Variants in CSGALNACT1 observed in about 807,000 individuals in gnomAD.
The protein encoded by CSGALNACT1 is beta4GalNAcT-1.
In CSGALNACT1, 52 loss-of-function variants were observed where a neutral mutation model predicts 51.0. That is an observed-to-expected ratio of 1.02 (90% CI 0.82 to 1.29). The LOEUF is 1.29. CSGALNACT1 is among the 50% of genes most tolerant of loss of function. The pLI, the probability that CSGALNACT1 is intolerant of heterozygous loss-of-function variation, is 0.00. For synonymous variants in CSGALNACT1, 341 were observed against 254.4 expected (o/e 1.34, Z -3.24); for missense variants, 935 against 679.2 (o/e 1.38, Z -4.19).
At chr8:19,514,008 T>G (rs528390602) in intron 3 of CSGALNACT1, among the ~76,000 whole-genome samples, 77 of 152,132 alleles carry the variant, frequency 5.1e-4, no homozygotes, top group Non-Finnish European at 9.7e-4. Flanking sequence ...GAGCAGGGTT[T>G]TCAGGTGTCA....
At chr8:19,472,999 C>T (rs2068564540) in intron 4 of CSGALNACT1, among the ~76,000 whole-genome samples, 1 of 152,166 alleles carries the variant, frequency 6.6e-6, no homozygotes, top group Non-Finnish European at 1.5e-5. Context: ...TGTCATTCTA[C>T]TTTGTTCCAT....
intron 6 of CSGALNACT1, among the ~76,000 whole-genome samples, chr8:19,421,402 A>T (rs1479551568): frequency 1.3e-5 from 2 of 152,236 alleles, no homozygotes; most frequent in African/African-American, 4.8e-5. Flanking sequence ...CGTTCCACGA[A>T]TTCATTCCAT....
chr8:19,470,571 G>T (rs1331326181), intron 4 of CSGALNACT1, among the ~76,000 whole-genome samples: 1 of 152,198 alleles, frequency 6.6e-6, no homozygotes, highest in African/African-American at 2.4e-5. Context: ...CAGGCACTGG[G>T]AAGCGAGTGG....
upstream of CSGALNACT1, among the ~76,000 whole-genome samples, chr8:19,605,770 A>G (rs2051288740): frequency 6.6e-6 from 1 of 152,236 alleles, no homozygotes; most frequent in Admixed American, 6.5e-5. Flanking sequence ...GCAGACATCA[A>G]TTAGCAGTCC....
chr8:19,482,940 G>A (rs1331972078), intron 4 of CSGALNACT1, among the ~76,000 whole-genome samples: 1 of 152,150 alleles, frequency 6.6e-6, no homozygotes, highest in African/African-American at 2.4e-5. Flanking sequence ...CTGAGGAGCA[G>A]TGAGTGGCAT....
chr8:19,662,066 C>CA (rs2058794122), intron 1 of CSGALNACT1, among the ~76,000 whole-genome samples: 5 of 49,082 alleles, frequency 1.0e-4, no homozygotes, highest in African/African-American at 3.6e-4. Context: ...TTGCCCCCAC[C>CA]CCCCCCCACC....
chr8:19,627,693 C>T (rs1483383765), intron 1 of CSGALNACT1, among the ~76,000 whole-genome samples: 2 of 152,100 alleles, frequency 1.3e-5, no homozygotes, highest in Admixed American at 6.5e-5. Flanking sequence ...GGTATGGTGG[C>T]ATGCACCTAT....
intron 1 of CSGALNACT1, among the ~76,000 whole-genome samples, chr8:19,679,782 G>A (rs1466705153): frequency 6.6e-6 from 1 of 152,152 alleles, no homozygotes; most frequent in Admixed American, 6.5e-5. Context: ...TGACATACAA[G>A]AGGGTGGAAG....
At chr8:19,557,236 C>G (rs1481415669) in intron 3 of CSGALNACT1, among the ~76,000 whole-genome samples, 1 of 152,152 alleles carries the variant, frequency 6.6e-6, no homozygotes, top group African/African-American at 2.4e-5. Flanking sequence ...TACCCGGAAT[C>G]CCTGTCTACC....
At chr8:19,608,596 C>T (rs1454949797) in intron 1 of CSGALNACT1, among the ~76,000 whole-genome samples, 1 of 152,216 alleles carries the variant, frequency 6.6e-6, no homozygotes, top group Non-Finnish European at 1.5e-5. Flanking sequence ...AAAATTACCA[C>T]ATTCCCAGCC....
At chr8:19,593,116 AG>A (rs1225900742) in intron 2 of CSGALNACT1, among the ~76,000 whole-genome samples, 9 of 152,240 alleles carry the variant, frequency 5.9e-5, no homozygotes, top group Non-Finnish European at 1.2e-4. Flanking sequence ...TAACTGCTTC[AG>A]TAACTAAATA....
chr8:19,632,103 C>G (rs548791213), intron 1 of CSGALNACT1, among the ~76,000 whole-genome samples: 1 of 152,336 alleles, frequency 6.6e-6, no homozygotes, highest in Non-Finnish European at 1.5e-5. Context: ...CTCATTAACT[C>G]TACAAAGGTT....
rs567719170 is a variant in CSGALNACT1, at chr8:19,423,252, G to C, written c.954-2734C>G. On this transcript the variant is annotated intron_variant, in intron 6 of 9. Coordinates refer to ENST00000454498, the Ensembl canonical transcript of CSGALNACT1. ...CCCTTGAACAGCCTACAGTCCATTTGTATAGATAGGCCAAATATTTACAAA... is the reference window on the plus strand; with the variant it reads ...CCCTTGAACAGCCTACAGTCCATTTCTATAGATAGGCCAAATATTTACAAA... Among the ~76,000 whole-genome samples the C allele has an allele frequency of 3.3e-5, 5 of 152,278 alleles. No homozygotes were observed. The South Asian group carries it at 1.0e-3, about 32-fold the overall frequency.
At chr8:19,568,835 T>G (rs1039788069) in intron 3 of CSGALNACT1, among the ~76,000 whole-genome samples, 2 of 152,178 alleles carry the variant, frequency 1.3e-5, no homozygotes, top group Admixed American at 1.3e-4. Flanking sequence ...GTAGGTAGAA[T>G]AGACAGCTTT....
rs148674039 is a variant in CSGALNACT1 at position 19,676,084 on chromosome 8, T to TA, written c.-544+6388dup. On this transcript the variant is annotated intron_variant, in intron 1 of 9. Transcript: ENST00000332246. ...CACGATGGATGGTGGTTGTCTGATT[T>TA]AAAAAACAAAACAAAACAAAAAAAA... 2.5e-4 allele frequency among the ~76,000 whole-genome samples: 27 copies of TA among 106,238 alleles called. 1 individual carries two copies. The highest frequency in any genetic ancestry group is 6.8e-4 in the South Asian group (2 of 2,932). 69.7% of individuals were successfully genotyped at this position (106,238 alleles called of 152,430 possible). A position where few individuals can be genotyped will look rare whatever the true frequency, so the allele number is the denominator to read the frequency against.
At chr8:19,652,282 G>A (rs556528594) in intron 1 of CSGALNACT1, among the ~76,000 whole-genome samples, 5 of 151,928 alleles carry the variant, frequency 3.3e-5, no homozygotes, top group Non-Finnish European at 7.4e-5. Context: ...CATTCTCACT[G>A]GTATGAGGTT....
chr8:19,414,012 G>T (rs1307526759), intron 8 of CSGALNACT1, among the ~76,000 whole-genome samples: 2 of 152,116 alleles, frequency 1.3e-5, no homozygotes, highest in African/African-American at 4.8e-5. Context: ...TGCTGTGCTG[G>T]AGCCAGCTTG....
At chr8:19,719,147 AC>A (rs2062978002) in intron 1 of CSGALNACT1, among the ~76,000 whole-genome samples, 1 of 152,180 alleles carries the variant, frequency 6.6e-6, no homozygotes, top group Non-Finnish European at 1.5e-5. Flanking sequence ...ACTATACAAA[AC>A]AGTAACTTAT....
intron 4 of CSGALNACT1, among the ~76,000 whole-genome samples, chr8:19,502,980 T>G (rs2076671722): frequency 6.6e-6 from 1 of 152,146 alleles, no homozygotes; most frequent in South Asian, 2.1e-4. Flanking sequence ...ATCACTATTC[T>G]CAAAGCTGGC....
Sources: allele counts gnomAD v4.1 joint callset (sites outside exome capture counted in the v4.1 genomes callset), GRCh38; gene constraint gnomAD v4.1.1; transcripts MANE v1.5; gene names NCBI Gene and HGNC (gene_info 2026-07-23, HGNC 2026-07-21).